PTPRD: variants seen among roughly 807,000 people sequenced by gnomAD.
The protein encoded by PTPRD is receptor-type tyrosine-protein phosphatase delta.
PTPRD carries 34 observed loss-of-function variants against 214.5 expected under a neutral mutation model. The observed-to-expected ratio is 0.16, with a 90% CI of 0.12 to 0.21. The LOEUF is 0.21. Ranked by LOEUF, PTPRD falls within the 10% of genes least tolerant of loss-of-function variation. The pLI, the probability that PTPRD is intolerant of heterozygous loss-of-function variation, is 1.00. For missense variants in PTPRD, 2,545 were observed against 2,398.7 expected, an observed-to-expected ratio of 1.06 and a Z score of -1.27; for synonymous variants, 1,128 against 845.7, an observed-to-expected ratio of 1.33 and a Z score of -5.79.
intron 2 of PTPRD, among the ~76,000 whole-genome samples, chr9:10,409,431 T>C (rs1283323430): frequency 2.0e-5 from 3 of 151,876 alleles, no homozygotes; most frequent in East Asian, 2.0e-4. Context: ...ATCATTGTTA[T>C]CACATCACTC....
In PTPRD at chr9:10,326,698, C is replaced by G. The variant is rs148970556; in HGVS notation, c.-545+14265G>C. The stretch of plus-strand genomic sequence containing the variant: ...GCATGAAGAAAAGCATCTATAAAAC[C>G]TACTCTCAGAAAATGCCTCTTTCAT... On this transcript the variant is annotated intron_variant, in intron 3 of 45. Transcript: ENST00000381196. 2.6e-3 allele frequency among the ~76,000 whole-genome samples: 397 copies of G among 151,384 alleles called. 2 individuals are homozygous for G. The highest frequency in any genetic ancestry group is 9.1e-3 in the African/African-American group (378 of 41,416).
chr9:9,108,459 T>C (rs1405591481), intron 10 of PTPRD, among the ~76,000 whole-genome samples: 6 of 152,204 alleles, frequency 3.9e-5, no homozygotes, highest in Admixed American at 1.3e-4. Context: ...AACAAATTTA[T>C]ACAACAAATT....
At chr9:8,649,232 T>C (rs2096755951) in intron 12 of PTPRD, among the ~76,000 whole-genome samples, 2 of 152,312 alleles carry the variant, frequency 1.3e-5, no homozygotes, top group Admixed American at 6.5e-5. Flanking sequence ...TTAGAAACAG[T>C]AGTAAACCAG....
chr9:9,326,115 C>A (rs2039758966), intron 9 of PTPRD, among the ~76,000 whole-genome samples: 1 of 151,882 alleles, frequency 6.6e-6, no homozygotes, highest in African/African-American at 2.4e-5. Context: ...GTGAACTCCA[C>A]AATAACTCTG....
intron 7 of PTPRD, among the ~76,000 whole-genome samples, chr9:9,676,721 G>A (rs2096938264): frequency 6.6e-6 from 1 of 152,100 alleles, no homozygotes; most frequent in Admixed American, 6.6e-5. Context: ...CACAATGGTT[G>A]AACTAGTTTA....
chr9:8,900,768 G>C (rs1454764057), intron 11 of PTPRD, among the ~76,000 whole-genome samples: 1 of 152,160 alleles, frequency 6.6e-6, no homozygotes, highest in Non-Finnish European at 1.5e-5. Context: ...CATTAAATGT[G>C]GGGGAAAATG....
intron 9 of PTPRD, among the ~76,000 whole-genome samples, chr9:9,267,035 T>A (rs1244131520): frequency 1.3e-5 from 2 of 151,218 alleles, no homozygotes; most frequent in Non-Finnish European, 3.0e-5. Flanking sequence ...GAAAAGAACA[T>A]CAACAAACTT....
At chr9:9,845,327 T>C (rs1156430823) in intron 5 of PTPRD, among the ~76,000 whole-genome samples, 1 of 151,460 alleles carries the variant, frequency 6.6e-6, no homozygotes, top group African/African-American at 2.4e-5. Context: ...AAAATGCTTA[T>C]CTGACATAAC....
At chr9:9,560,628 C>T (rs77319864) in intron 8 of PTPRD, among the ~76,000 whole-genome samples, 2,790 of 152,294 alleles carry the variant, frequency 0.018, 77 homozygotes, top group African/African-American at 0.061. Context: ...CTCACTTCAT[C>T]CCACCCTTAT....
intron 37 of PTPRD, 143 bp from the exon 38 acceptor site, chr9:8,376,869 A>C: frequency 1.9e-6 from 2 of 1,064,526 alleles, no homozygotes; most frequent in Non-Finnish European, 2.7e-6. Flanking sequence ...TTGTTATCCC[A>C]ATATATGTAA....
At position 8,320,069 on chromosome 9, in the gene PTPRD, C is replaced by G. The variant is rs1825826518; in HGVS notation, c.5535-103G>C. The G allele has an allele frequency of 9.5e-6, 13 of 1,366,482 alleles. 1 individual carries two copies. In the South Asian group the frequency reaches 1.6e-4, roughly 17 times the overall value. 84.6% of individuals were successfully genotyped at this position (1,366,482 alleles called of 1,614,324 possible). A position where few individuals can be genotyped will look rare whatever the true frequency, so the allele number is the denominator to read the frequency against. On this transcript the variant is annotated intron_variant, in intron 44 of 45. Coordinates refer to ENST00000381196, the MANE Select transcript of PTPRD (RefSeq NM_002839.4). ...TTCTACCAGCTTCCACACTCCGTAT[C>G]TCTTTATAGCCATATTCAGGAAAAC...
chr9:9,894,161 G>A (rs1023196708), intron 5 of PTPRD, among the ~76,000 whole-genome samples: 2 of 151,966 alleles, frequency 1.3e-5, no homozygotes, highest in African/African-American at 4.8e-5. Context: ...ATATCTCCAA[G>A]ATAATATCTA....
At chr9:8,546,899 T>G (rs949698662) in intron 14 of PTPRD, among the ~76,000 whole-genome samples, 3 of 152,210 alleles carry the variant, frequency 2.0e-5, no homozygotes, top group African/African-American at 7.2e-5. Flanking sequence ...GAGATGTTAG[T>G]AGATTTGGAG....
At chr9:10,385,774 C>G (rs2097903243) in intron 2 of PTPRD, among the ~76,000 whole-genome samples, 1 of 151,676 alleles carries the variant, frequency 6.6e-6, no homozygotes, top group Non-Finnish European at 1.5e-5. Flanking sequence ...ATGGCTATCA[C>G]AAAAGAAATG....
intron 7 of PTPRD, among the ~76,000 whole-genome samples, chr9:9,650,678 C>T (rs2154372472): frequency 6.6e-6 from 1 of 152,044 alleles, no homozygotes; most frequent in African/African-American, 2.4e-5. Context: ...CTAACGAGTA[C>T]TAGGCTTAAT....
chr9:10,121,898 C>G (rs2098778612), intron 3 of PTPRD, among the ~76,000 whole-genome samples: 1 of 152,178 alleles, frequency 6.6e-6, no homozygotes, highest in Non-Finnish European at 1.5e-5. Context: ...CTGACTTTGA[C>G]TACAATTTCA....
chr9:10,074,883 C>A (rs2098107143), intron 3 of PTPRD, among the ~76,000 whole-genome samples: 2 of 152,140 alleles, frequency 1.3e-5, no homozygotes, highest in Non-Finnish European at 2.9e-5. Flanking sequence ...GGAAGCATTG[C>A]TTCCCTAAAC....
intron 4 of PTPRD, among the ~76,000 whole-genome samples, chr9:10,025,223 T>G (rs189360733): frequency 6.6e-6 from 1 of 152,184 alleles, no homozygotes; most frequent in Non-Finnish European, 1.5e-5. Flanking sequence ...TCCACAATGG[T>G]TGAACTACTT....
Position 8,468,402 on chromosome 9 carries a change from A to G in PTPRD, c.3504+2593T>C, listed in dbSNP as rs188997959. ...CATGACCTGCTCTGAATTAAATATC[A>G]CTAACATTCTGGGAGTCATTCTGCC... On this transcript the variant is annotated intron_variant, in intron 31 of 45. Transcript: ENST00000381196. Among the ~76,000 whole-genome samples, 369 of 152,098 alleles carry G rather than the reference A, an allele frequency of 2.4e-3. 1 individual carries two copies. Among genetic ancestry groups the G allele is most frequent in the African/African-American group, 8.7e-3 (363 of 41,554 alleles).
Sources: allele counts gnomAD v4.1 joint callset (sites outside exome capture counted in the v4.1 genomes callset), GRCh38; gene constraint gnomAD v4.1.1; transcripts MANE v1.5; gene names NCBI Gene and HGNC (gene_info 2026-07-23, HGNC 2026-07-21).